Variants in PLPP3 observed in about 807,000 individuals in gnomAD.
PLPP3 encodes PAP2 beta.
Under a neutral mutation model 29.6 loss-of-function variants are expected in PLPP3, and 6 were observed. The ratio of observed to expected loss-of-function variants is 0.20; its 90% CI spans 0.11 to 0.40. The LOEUF (loss-of-function observed/expected upper bound fraction) is 0.40, where lower values mean the gene tolerates loss of function less well. Ranked by LOEUF, PLPP3 falls within the 10% of genes least tolerant of loss-of-function variation. PLPP3 has a pLI of 1.00. For missense variants in PLPP3, 308 were observed against 407.7 expected (o/e 0.76, Z 2.11); for synonymous variants, 152 against 159.7 (o/e 0.95, Z 0.36).
chr1:56,537,232 A>T, intron 1 of PLPP3, 120 bp from the exon 2 acceptor site: 3 of 1,114,778 alleles, frequency 2.7e-6, no homozygotes, highest in Non-Finnish European at 2.5e-6. Flanking sequence ...GAGAGTGATA[A>T]TCGTTCCTTC....
intron 1 of PLPP3, among the ~76,000 whole-genome samples, chr1:56,541,365 A>G (rs1448194779): frequency 6.6e-6 from 1 of 152,202 alleles, no homozygotes; most frequent in Non-Finnish European, 1.5e-5. Context: ...AAAGGCGAAA[A>G]TAGCACAAAG....
At chr1:56,567,891 A>G (rs915325893) in intron 1 of PLPP3, among the ~76,000 whole-genome samples, 4 of 152,218 alleles carry the variant, frequency 2.6e-5, no homozygotes, top group African/African-American at 9.6e-5. Context: ...GAAATCACCC[A>G]AATGTTCATC....
At chr1:56,513,119 C>G (rs780617137) in intron 4 of PLPP3, 1 of 152,204 alleles carries the variant, frequency 6.6e-6, no homozygotes, top group Non-Finnish European at 1.5e-5. Flanking sequence ...GAGACAATGC[C>G]AGGGAATTTT....
Position 56,537,061 on chromosome 1 carries a change from C to T in PLPP3, c.191G>A (p.Arg64Gln), listed in dbSNP as rs749718381. The T allele has an allele frequency of 6.2e-6, 10 of 1,613,478 alleles. No homozygotes were observed. The highest frequency in any genetic ancestry group is 2.2e-5 in the East Asian group (1 of 44,832). The change falls in exon 2 of 6, where the codon CGA becomes CAA. Residue 64 changes from arginine to glutamine, a missense_variant. Coordinates refer to ENST00000371250, the MANE Select transcript of PLPP3 (RefSeq NM_003713.5). ...GCTCTCATCATTGCAGTAAAACCCT[C>T]GGTGGTAAGGCTTGATGGTGCTTGT... is the stretch of plus-strand genomic sequence containing the variant. ...IETSTIKPYH[R>Q]GFYCNDESIK... is the part of the protein sequence containing the mutation.
At chr1:56,566,493 C>T (rs1176554434) in intron 1 of PLPP3, among the ~76,000 whole-genome samples, 1 of 152,126 alleles carries the variant, frequency 6.6e-6, no homozygotes, top group Non-Finnish European at 1.5e-5. Context: ...CGCTGCTTAA[C>T]CTGGTGAGAG....
chr1:56,524,624 A>G lies in PLPP3; in HGVS notation c.298-70T>C, dbSNP rs1645841677. On this transcript the variant is annotated intron_variant, in intron 2 of 5. Coordinates refer to ENST00000371250, the MANE Select transcript of PLPP3 (RefSeq NM_003713.5). The surrounding 1 kb of genome is among the most constrained non-coding windows in gnomAD (Gnocchi z 4.3). ...CATCAACACTGATGCCGTAACGGAT[A>G]TTCAACAACACAGGAGAATATTCAG... 1 of 1,499,652 alleles carries G rather than the reference A, an allele frequency of 6.7e-7. No homozygotes were observed. The highest frequency in any genetic ancestry group is 1.2e-5 in the South Asian group (1 of 82,666). The allele number at this position is 1,499,652 out of a possible 1,614,324, so 92.9% of individuals were successfully genotyped here. A position where few individuals can be genotyped will look rare whatever the true frequency, so the allele number is the denominator to read the frequency against.
chr1:56,566,336 C>T (rs752700518), intron 1 of PLPP3, among the ~76,000 whole-genome samples: 5 of 152,186 alleles, frequency 3.3e-5, no homozygotes, highest in South Asian at 4.1e-4. Flanking sequence ...ACCAGGCAGA[C>T]GTCTGACCCC....
At chr1:56,550,645 T>C (rs1405567962) in intron 1 of PLPP3, among the ~76,000 whole-genome samples, 1 of 152,132 alleles carries the variant, frequency 6.6e-6, no homozygotes, top group Non-Finnish European at 1.5e-5. Flanking sequence ...CTCCTCCCCT[T>C]GTAACCCAGC....
At chr1:56,512,233 C>T in intron 4 of PLPP3, 81 bp from the exon 5 acceptor site, 1 of 1,283,532 alleles carries the variant, frequency 7.8e-7, no homozygotes, top group Non-Finnish European at 1.0e-6. Context: ...ACACACACTA[C>T]ATTTCTACGA....
chr1:56,531,104 T>C (rs1645885187), intron 2 of PLPP3, among the ~76,000 whole-genome samples: 1 of 152,158 alleles, frequency 6.6e-6, no homozygotes, highest in Admixed American at 6.5e-5. Flanking sequence ...TGGTGAAAAT[T>C]ATATGAGACG....
At chr1:56,538,784 A>G (rs2100268141) in intron 1 of PLPP3, 1 of 162,476 alleles carries the variant, frequency 6.2e-6, no homozygotes, top group Middle Eastern at 2.7e-3. Flanking sequence ...AACATGAAGG[A>G]AAATGATCAG....
rs750788245 is a variant in PLPP3, at chr1:56,512,140, C to A, written c.646G>T (p.Ala216Ser). Residue 216 changes from alanine to serine, a missense_variant, in exon 5 of 6, where the codon GCC (alanine) becomes TCC (serine). Around this residue, in one of 3 missense-constraint regions of PLPP3, gnomAD observed 232 missense variants for 317.2 expected, o/e 0.73. Coordinates refer to ENST00000371250, the MANE Select transcript of PLPP3 (RefSeq NM_003713.5). ...TMLYLVLYLQ[A>S]RFTWRGARLL... ...CGGGCTCCTCGCCAAGTGAAGCGGG[C>A]CTGCAGGTATAGCTGGAGAAAGGAG... is the stretch of plus-strand genomic sequence containing the variant. The A allele has an allele frequency of 1.9e-6, 3 of 1,601,060 alleles. No individual in the cohort carries two copies. Among genetic ancestry groups the A allele is most frequent in the Middle Eastern group, 1.9e-4 (1 of 5,374 alleles).
chr1:56,572,043 G>GCTTTTTT (rs1553140697), intron 1 of PLPP3, among the ~76,000 whole-genome samples: 1 of 85,072 alleles, frequency 1.2e-5, no homozygotes, highest in Non-Finnish European at 2.0e-5. Context: ...ATCATTTCTG[G>GCTTTTTT]TTTTTTTTTT....
intron 5 of PLPP3, among the ~76,000 whole-genome samples, chr1:56,500,965 T>C (rs552888629): frequency 5.8e-5 from 8 of 136,978 alleles, no homozygotes; most frequent in South Asian, 2.3e-4. Context: ...GATGGTGCCA[T>C]TGCACTCCAG....
At chr1:56,554,186 T>A (rs58372908) in intron 1 of PLPP3, among the ~76,000 whole-genome samples, 2 of 152,114 alleles carry the variant, frequency 1.3e-5, no homozygotes, top group African/African-American at 4.8e-5. Context: ...CCTTTTTTTT[T>A]AGTCCTGTGA....
chr1:56,539,953 A>AAG (rs1219764709), intron 1 of PLPP3, among the ~76,000 whole-genome samples: 1 of 152,120 alleles, frequency 6.6e-6, no homozygotes, highest in African/African-American at 2.4e-5. Context: ...AACAGACCCC[A>AAG]AGTTCCTTAC....
intron 1 of PLPP3, among the ~76,000 whole-genome samples, chr1:56,575,210 C>G (rs1170810374): frequency 1.3e-5 from 2 of 152,152 alleles, no homozygotes; most frequent in Non-Finnish European, 2.9e-5. Context: ...AACTGAGACA[C>G]ACAGAAAACC....
intron 1 of PLPP3, among the ~76,000 whole-genome samples, chr1:56,542,028 C>T (rs774603183): frequency 1.3e-5 from 2 of 151,170 alleles, no homozygotes; most frequent in Non-Finnish European, 2.9e-5. Context: ...AAGCATTTCT[C>T]CTTCCTTTAA....
At chr1:56,500,928 T>C (rs747655026) in intron 5 of PLPP3, among the ~76,000 whole-genome samples, 22 of 135,870 alleles carry the variant, frequency 1.6e-4, no homozygotes, top group Non-Finnish European at 2.7e-4. Context: ...CACTTGGACC[T>C]GGGAGGCGGA....
Sources: gnomAD v4.1 joint callset for allele counts (sites outside exome capture counted in the v4.1 genomes callset) on GRCh38, gnomAD v4.1.1 for gene constraint, gnomAD v4.1.1 regional missense constraint, Gnocchi (gnomAD v3.1) non-coding constraint, MANE v1.5 for transcripts, NCBI Gene and HGNC (gene_info 2026-07-23, HGNC 2026-07-21) for gene names.